TMEM267: variants seen among roughly 807,000 people sequenced by gnomAD.
TMEM267 encodes transmembrane protein C5orf28.
A neutral mutation model predicts 19.3 loss-of-function variants in TMEM267; 20 were observed. The observed-to-expected ratio is 1.04, with a 90% CI of 0.73 to 1.51. The LOEUF is 1.51. Among genes scored for constraint, TMEM267 ranks in the 40% most tolerant of loss-of-function variants. The pLI is 0.00. For synonymous variants in TMEM267, 88 were observed against 90.3 expected, an observed-to-expected ratio of 0.97 and a Z score of 0.15; for missense variants, 242 against 261.9, an observed-to-expected ratio of 0.92 and a Z score of 0.52.
rs1742242314 is a variant in TMEM267, at chr5:43,446,425, A to G, written c.445T>C (p.Phe149Leu). Residue 149 changes from phenylalanine (F) to leucine (L), a missense_variant, in exon 3 of 3, where the codon TTT becomes CTT. Coordinates refer to ENST00000397080, the MANE Select transcript of TMEM267 (RefSeq NM_022483.5). ...ATATGATGTGAAGTCCAGGATATAA[A>G]TAACATCCAGGGAAGAAAGCACCAT... Reference protein sequence around the residue: ...DSWCFLPWMLFISWTSHHIRD... With the variant: ...DSWCFLPWMLLISWTSHHIRD... The G allele has an allele frequency of 1.2e-6, 2 of 1,613,934 alleles. No individual in the cohort carries two copies. Among genetic ancestry groups the G allele is most frequent in the Admixed American group, 1.7e-5 (1 of 60,024 alleles).
chr5:43,469,906 G>C (rs1044695756), intron 1 of TMEM267, among the ~76,000 whole-genome samples: 1 of 152,170 alleles, frequency 6.6e-6, no homozygotes, highest in Non-Finnish European at 1.5e-5. Context: ...ATCTTCACAG[G>C]TGCAGGACAG....
At chr5:43,448,869 A>C (rs1245763331) in intron 2 of TMEM267, among the ~76,000 whole-genome samples, 2 of 152,034 alleles carry the variant, frequency 1.3e-5, no homozygotes, top group African/African-American at 4.8e-5. Context: ...TAAACTACAT[A>C]AAACATAAGA....
At chr5:43,474,273 C>G (rs112938069) in intron 1 of TMEM267, among the ~76,000 whole-genome samples, 6 of 152,214 alleles carry the variant, frequency 3.9e-5, no homozygotes, top group African/African-American at 1.4e-4. Flanking sequence ...TCTAATTAAA[C>G]GAAAGAGCTT....
At chr5:43,478,609 T>G (rs545085428) in intron 1 of TMEM267, among the ~76,000 whole-genome samples, 11 of 152,198 alleles carry the variant, frequency 7.2e-5, no homozygotes, top group Admixed American at 2.0e-4. Flanking sequence ...GACAAATAAA[T>G]GGAGGAAATT....
chr5:43,477,953 G>C (rs1744526963), intron 1 of TMEM267, among the ~76,000 whole-genome samples: 1 of 152,156 alleles, frequency 6.6e-6, no homozygotes, highest in South Asian at 2.1e-4. Context: ...GTGGGTTTGT[G>C]GGCGTTAATG....
At chr5:43,446,875 T>C (rs989252368) in intron 2 of TMEM267, among the ~76,000 whole-genome samples, 2 of 152,096 alleles carry the variant, frequency 1.3e-5, no homozygotes, top group Admixed American at 6.5e-5. Context: ...GTTTGTGTAA[T>C]TTGGAGTTTT....
At position 43,453,695 on chromosome 5, in the gene TMEM267, A is replaced by G. The variant is rs1006452354; in HGVS notation, c.275T>C (p.Val92Ala). 6.2e-7 allele frequency: 1 copy of G among 1,614,096 alleles called. No homozygotes were observed. The highest frequency in any genetic ancestry group is 1.7e-5 in the Admixed American group (1 of 59,996). ...GGATCCAGCTAGAAAAAAGTGGTCT[A>G]CATCAATAACAGAGGCTAAAAATCC... ...LAGFLASVIDVDHFFLAGSMS... is the reference protein window; with the variant it reads ...LAGFLASVIDADHFFLAGSMS... Residue 92 changes from valine (V) to alanine (A), a missense_variant, in exon 2 of 3, where the codon GTA (valine) becomes GCA (alanine). Transcript: ENST00000397080.
At chr5:43,479,613 TAACA>T (rs1213384595) in intron 1 of TMEM267, among the ~76,000 whole-genome samples, 2 of 112,294 alleles carry the variant, frequency 1.8e-5, no homozygotes, top group Non-Finnish European at 3.9e-5. Context: ...TTGTATAACA[TAACA>T]ATTTGTTCAT....
chr5:43,480,015 T>C (rs1744666649), intron 1 of TMEM267: 1 of 320,444 alleles, frequency 3.1e-6, no homozygotes, highest in African/African-American at 2.3e-5. Flanking sequence ...TCAACATATT[T>C]AAATATTTAA....
At chr5:43,472,646 T>C (rs1168702936) in intron 1 of TMEM267, among the ~76,000 whole-genome samples, 1 of 152,152 alleles carries the variant, frequency 6.6e-6, no homozygotes, top group East Asian at 1.9e-4. Context: ...TGCAACAACA[T>C]GGATGGAACT....
At chr5:43,478,683 C>G (rs1438704875) in intron 1 of TMEM267, among the ~76,000 whole-genome samples, 1 of 151,896 alleles carries the variant, frequency 6.6e-6, no homozygotes, top group Admixed American at 6.6e-5. Flanking sequence ...AAAATTAATA[C>G]AGAAATAAGC....
intron 1 of TMEM267, among the ~76,000 whole-genome samples, chr5:43,463,965 C>T (rs1302247738): frequency 6.6e-6 from 1 of 152,198 alleles, no homozygotes; most frequent in East Asian, 1.9e-4. Flanking sequence ...AGCAATTAGG[C>T]AGGAGAAGGA....
rs546055980 is a variant in TMEM267, at chr5:43,481,913, G to A, written c.-75+1909C>T. ...GCTGGAGTGCAGTGGCATGATCTCG[G>A]CTCACTGCAAGCTCCCCCTCCCGGG... On this transcript the variant is annotated intron_variant, in intron 1 of 2. Coordinates refer to ENST00000397080, the MANE Select transcript of TMEM267 (RefSeq NM_022483.5). Among the ~76,000 whole-genome samples, 3 of 152,280 alleles carry A rather than the reference G, an allele frequency of 2.0e-5. No homozygotes were observed. In the South Asian group the frequency reaches 6.2e-4, roughly 32 times the overall value.
At position 43,463,674 on chromosome 5, in the gene TMEM267, C is replaced by T. The variant is rs192056364; in HGVS notation, c.-74-9631G>A. The stretch of plus-strand genomic sequence containing the variant: ...TATACTCAAATCAATAAACGTAATC[C>T]AGCATATAAACAGAAGCAAAGCCAA... On this transcript the variant is annotated intron_variant, in intron 1 of 2. Coordinates refer to ENST00000397080, the MANE Select transcript of TMEM267 (RefSeq NM_022483.5). 9.3e-3 allele frequency among the ~76,000 whole-genome samples: 1,422 copies of T among 152,252 alleles called. 7 individuals are homozygous for T. The highest frequency in any genetic ancestry group is 0.015 in the Non-Finnish European group (1,011 of 68,014).
chr5:43,474,134 A>C (rs1313764460), intron 1 of TMEM267, among the ~76,000 whole-genome samples: 1 of 152,256 alleles, frequency 6.6e-6, no homozygotes, highest in African/African-American at 2.4e-5. Flanking sequence ...TTAAAGACTT[A>C]AACGTAAGAC....
rs899467642 is a variant in TMEM267 at position 43,461,634 on chromosome 5, T to C, written c.-74-7591A>G. ...AAGAGACCTTGTGCCTTAAGGGGCA[T>C]TAGCAGTGTTCTGGCAGTACTCTTT... On this transcript the variant is annotated intron_variant, in intron 1 of 2. Coordinates refer to ENST00000397080, the MANE Select transcript of TMEM267 (RefSeq NM_022483.5). Among the ~76,000 whole-genome samples the C allele has an allele frequency of 3.3e-5, 5 of 152,256 alleles. 1 individual carries two copies. The highest frequency in any genetic ancestry group is 3.3e-4 in the Admixed American group (5 of 15,298).
At position 43,470,429 on chromosome 5, in the gene TMEM267, A is replaced by G. The variant is rs372143153; in HGVS notation, c.-75+13393T>C. ...AGTGCTGGTACTACAGGTGTGAGCC[A>G]CCATGCCTGGCCCCAACATACATCT... is the stretch of plus-strand genomic sequence containing the variant. On this transcript the variant is annotated intron_variant, in intron 1 of 2. Coordinates refer to ENST00000397080, the MANE Select transcript of TMEM267 (RefSeq NM_022483.5). Among the ~76,000 whole-genome samples the G allele has an allele frequency of 1.3e-5, 2 of 152,320 alleles. 1 individual carries two copies. Among genetic ancestry groups the G allele is most frequent in the African/African-American group, 4.8e-5 (2 of 41,576 alleles).
intron 1 of TMEM267, among the ~76,000 whole-genome samples, chr5:43,465,977 A>G (rs1474712744): frequency 6.8e-6 from 1 of 147,278 alleles, no homozygotes; most frequent in Non-Finnish European, 1.5e-5. Flanking sequence ...TAAAAAAAAG[A>G]AAAGAAAAAA....
chr5:43,472,551 C>A (rs1456237952), intron 1 of TMEM267, among the ~76,000 whole-genome samples: 3 of 152,070 alleles, frequency 2.0e-5, no homozygotes, highest in African/African-American at 7.2e-5. Context: ...AAGGGTCTAT[C>A]AACATATGAA....
Sources: allele counts gnomAD v4.1 joint callset (sites outside exome capture counted in the v4.1 genomes callset), GRCh38; gene constraint gnomAD v4.1.1; transcripts MANE v1.5; gene names NCBI Gene and HGNC (gene_info 2026-07-23, HGNC 2026-07-21).